Variants in CNGB3 observed in about 807,000 individuals in gnomAD.
CNGB3 encodes the protein cyclic nucleotide-gated channel beta-3.
Under a neutral mutation model 92.8 loss-of-function variants are expected in CNGB3, and 86 were observed. That is an observed-to-expected ratio of 0.93 (90% CI 0.78 to 1.11). The LOEUF is 1.11. CNGB3 is among the 50% of genes least tolerant of loss of function. The probability of loss-of-function intolerance (pLI) is 0.00; values close to 1 mark genes in which losing one functional copy is unlikely to be tolerated. For synonymous variants in CNGB3, 333 were observed against 332.7 expected (o/e 1.00, Z -0.01); for missense variants, 1,026 against 956.8 (o/e 1.07, Z -0.95).
intron 1 of CNGB3, among the ~76,000 whole-genome samples, 199 bp downstream of exon 1, chr8:86,743,297 TCTC>T (rs1334195906): frequency 6.6e-6 from 1 of 152,198 alleles, no homozygotes; most frequent in Non-Finnish European, 1.5e-5. Flanking sequence ...CCTAGTATAG[TCTC>T]CTAAACATTT....
intron 10 of CNGB3, among the ~76,000 whole-genome samples, chr8:86,643,521 G>A (rs2131593999): frequency 6.6e-6 from 1 of 151,140 alleles, no homozygotes; most frequent in East Asian, 1.9e-4. Flanking sequence ...ATGTGAGAAC[G>A]TGTGATATTT....
At chr8:86,642,035 C>T (rs968029972) in intron 10 of CNGB3, among the ~76,000 whole-genome samples, 13 of 151,580 alleles carry the variant, frequency 8.6e-5, no homozygotes, top group Non-Finnish European at 1.6e-4. Context: ...TTCGTTTTTC[C>T]TTACTCCCCC....
At chr8:86,585,813 G>C (rs1821879205) in intron 15 of CNGB3, among the ~76,000 whole-genome samples, 1 of 152,142 alleles carries the variant, frequency 6.6e-6, no homozygotes, top group Non-Finnish European at 1.5e-5. Flanking sequence ...ATTTGTAATA[G>C]AGCCCCCAGT....
At chr8:86,685,063 A>T (rs1824159062) in intron 3 of CNGB3, among the ~76,000 whole-genome samples, 1 of 152,132 alleles carries the variant, frequency 6.6e-6, no homozygotes, top group African/African-American at 2.4e-5. Flanking sequence ...TATCATTTTC[A>T]ATATCCTGGT....
intron 6 of CNGB3, chr8:86,660,808 G>A (rs1295116383): frequency 8.3e-6 from 4 of 483,500 alleles, no homozygotes; most frequent in African/African-American, 7.9e-5. Context: ...ACCCTCCAAA[G>A]TCTATGAATA....
intron 3 of CNGB3, among the ~76,000 whole-genome samples, chr8:86,688,332 C>A (rs961714677): frequency 2.0e-5 from 3 of 152,000 alleles, no homozygotes; most frequent in African/African-American, 7.2e-5. Context: ...ACAAATATTA[C>A]CTGAAGACAA....
chr8:86,696,299 A>G (rs559429782), intron 3 of CNGB3, among the ~76,000 whole-genome samples: 37 of 152,246 alleles, frequency 2.4e-4, no homozygotes, highest in Middle Eastern at 3.4e-3. Flanking sequence ...TGGTGCTTCC[A>G]AGAGAGTACA....
At chr8:86,603,679 CTG>C (rs1317285995) in intron 15 of CNGB3, among the ~76,000 whole-genome samples, 1 of 152,158 alleles carries the variant, frequency 6.6e-6, no homozygotes, top group Non-Finnish European at 1.5e-5. Context: ...AGTGGTGAAA[CTG>C]GAGTTTAAAC....
At chr8:86,614,388 C>T (rs889116658) in intron 13 of CNGB3, among the ~76,000 whole-genome samples, 6 of 152,144 alleles carry the variant, frequency 3.9e-5, no homozygotes, top group Non-Finnish European at 8.8e-5. Flanking sequence ...CCTGTTAGAA[C>T]TTCCCCTGGG....
intron 15 of CNGB3, among the ~76,000 whole-genome samples, chr8:86,592,733 T>C (rs1302024973): frequency 2.0e-5 from 3 of 152,220 alleles, no homozygotes; most frequent in African/African-American, 7.2e-5. Flanking sequence ...ATGCTATCAA[T>C]GGAAAGAACA....
chr8:86,621,725 G>A (rs1249348398), intron 13 of CNGB3, among the ~76,000 whole-genome samples: 1 of 152,022 alleles, frequency 6.6e-6, no homozygotes, highest in Non-Finnish European at 1.5e-5. Context: ...TTATAAATGA[G>A]TATATACAAT....
Position 86,590,343 on chromosome 8 carries a change from A to G in CNGB3, c.1782-11091T>C, listed in dbSNP as rs1298096168. On this transcript the variant is annotated intron_variant, in intron 15 of 17. Transcript: ENST00000320005. ...TGGAGGATTTAGTCCATTTACATTT[A>G]AAGTTAATAGTGTTATGTGTGAATT... is the stretch of plus-strand genomic sequence containing the variant. 2.0e-5 allele frequency among the ~76,000 whole-genome samples: 3 copies of G among 152,160 alleles called. 1 individual carries two copies. In the Middle Eastern group the frequency reaches 0.01, roughly 518 times the overall value.
At chr8:86,694,630 G>T (rs151238954) in intron 3 of CNGB3, among the ~76,000 whole-genome samples, 29,202 of 151,224 alleles carry the variant, frequency 0.19, 3,329 homozygotes, top group South Asian at 0.3. Flanking sequence ...CAGGGTCGCG[G>T]CCGGGCAGAG....
intron 3 of CNGB3, among the ~76,000 whole-genome samples, chr8:86,680,839 G>C (rs138002152): frequency 6.6e-6 from 1 of 152,042 alleles, no homozygotes. Flanking sequence ...TCTTCCCCAG[G>C]TGTAGGCAAT....
intron 7 of CNGB3, among the ~76,000 whole-genome samples, chr8:86,648,368 T>G (rs1823330296): frequency 6.6e-6 from 1 of 151,242 alleles, no homozygotes; most frequent in Non-Finnish European, 1.5e-5. Context: ...CTTCAATGCT[T>G]TCTACTCTTG....
At chr8:86,615,844 T>TAGGG (rs2131571335) in intron 13 of CNGB3, among the ~76,000 whole-genome samples, 1 of 152,188 alleles carries the variant, frequency 6.6e-6, no homozygotes, top group East Asian at 1.9e-4. Flanking sequence ...GTGGCCACCT[T>TAGGG]AGGGAGGGAG....
intron 2 of CNGB3, among the ~76,000 whole-genome samples, chr8:86,726,999 G>A (rs1025974896): frequency 6.6e-5 from 10 of 152,048 alleles, no homozygotes; most frequent in Admixed American, 4.6e-4. Context: ...AAGGCTATAC[G>A]GTATACTCTA....
At chr8:86,737,107 G>A (rs1280903046) in intron 2 of CNGB3, among the ~76,000 whole-genome samples, 1 of 152,062 alleles carries the variant, frequency 6.6e-6, no homozygotes, top group African/African-American at 2.4e-5. Context: ...ATGAAAGATA[G>A]TGGCAAAAAC....
chr8:86,655,300 T>C (rs778513907), intron 6 of CNGB3, among the ~76,000 whole-genome samples: 22 of 152,168 alleles, frequency 1.4e-4, no homozygotes, highest in Non-Finnish European at 1.5e-5. Flanking sequence ...TCCTCATTTA[T>C]GTCAAATCCT....
Sources: gnomAD v4.1 joint callset for allele counts (sites outside exome capture counted in the v4.1 genomes callset) on GRCh38, gnomAD v4.1.1 for gene constraint, MANE v1.5 for transcripts, NCBI Gene and HGNC (gene_info 2026-07-23, HGNC 2026-07-21) for gene names.